The following LAPTM5 variants were observed in gnomAD, a reference collection of about 807,000 sequenced individuals.
LAPTM5 encodes lysosomal protein transmembrane 5, also known as lysosomal-associated transmembrane protein 5.
In LAPTM5, 11 loss-of-function variants were observed where a neutral mutation model predicts 30.1. That is an observed-to-expected ratio of 0.37 (90% CI 0.23 to 0.60). The LOEUF (loss-of-function observed/expected upper bound fraction) is 0.60, where lower values mean the gene tolerates loss of function less well. LAPTM5 is among the 20% of genes least tolerant of loss of function. The pLI is 0.71. For synonymous variants in LAPTM5, 151 were observed against 137.9 expected (o/e 1.10, Z -0.67); for missense variants, 324 against 332.5 (o/e 0.97, Z 0.20).
chr1:30,751,852 G>T (rs1640143175), intron 1 of LAPTM5, among the ~76,000 whole-genome samples: 2 of 152,186 alleles, frequency 1.3e-5, no homozygotes, highest in Admixed American at 1.3e-4. Flanking sequence ...CACTTTTGAG[G>T]CAGGGACCAC....
intron 1 of LAPTM5, among the ~76,000 whole-genome samples, chr1:30,747,391 C>T (rs895539012): frequency 1.3e-5 from 2 of 152,260 alleles, no homozygotes; most frequent in South Asian, 2.1e-4. Flanking sequence ...CACACCAAAA[C>T]TGTCGCAGGG....
At chr1:30,738,906 A>G in intron 5 of LAPTM5, 34 bp downstream of exon 5, 1 of 1,578,576 alleles carries the variant, frequency 6.3e-7, no homozygotes, top group Non-Finnish European at 8.6e-7. Context: ...CCACACAGCC[A>G]GCAAATGGGC....
rs1269971747 is a variant in LAPTM5 at position 30,732,549 on chromosome 1, T to C, written c.*1279A>G. On this transcript the variant is annotated 3_prime_UTR_variant, in exon 8 of 8. Transcript: ENST00000294507. ...ACAAGGGGGTATTGCCAGGGAGCTC[T>C]TGCAGAGCCTTCTCCCTCTGTACCC... 1 of 151,680 alleles carries C rather than the reference T, an allele frequency of 6.6e-6. No individual in the cohort carries two copies. Among genetic ancestry groups the C allele is most frequent in the Non-Finnish European group, 1.5e-5 (1 of 67,882 alleles). 9.4% of individuals were successfully genotyped at this position (151,680 alleles called of 1,614,324 possible).
Position 30,739,796 on chromosome 1 carries a change from G to T in LAPTM5, c.387+13C>A, listed in dbSNP as rs751499012. On this transcript the variant is annotated intron_variant, in intron 4 of 7. Coordinates refer to ENST00000294507, the MANE Select transcript of LAPTM5 (RefSeq NM_006762.3). This position sits in a 1 kb window ranked among gnomAD's most constrained non-coding sequence, Gnocchi z 4.2. ...CTCTGCTGTCCGGTGAGAGGTGGGG[G>T]CTGGGTACTCACAGCACGGCTCCGG... The T allele has an allele frequency of 1.3e-6, 2 of 1,587,902 alleles. No homozygotes were observed. Among genetic ancestry groups the T allele is most frequent in the South Asian group, 2.3e-5 (2 of 87,684 alleles).
chr1:30,753,239 C>T (rs1640163468), intron 1 of LAPTM5, among the ~76,000 whole-genome samples: 1 of 152,064 alleles, frequency 6.6e-6, no homozygotes, highest in Admixed American at 6.5e-5. Context: ...AGACAAATCT[C>T]CTTGAGAAAT....
intron 1 of LAPTM5, among the ~76,000 whole-genome samples, chr1:30,751,549 G>T (rs111495917): frequency 0.028 from 4,271 of 152,302 alleles, 65 homozygotes; most frequent in Non-Finnish European, 0.036. Flanking sequence ...GACCAGCCTG[G>T]CCAACATGGT....
chr1:30,746,173 G>A lies in LAPTM5; in HGVS notation c.88-3624C>T, dbSNP rs1640041322. 6.6e-6 allele frequency: 1 copy of A among 152,290 alleles called. No homozygotes were observed. The highest frequency in any genetic ancestry group is 1.5e-5 in the Non-Finnish European group (1 of 68,116). 9.4% of individuals were successfully genotyped at this position (152,290 alleles called of 1,614,324 possible). A position where few individuals can be genotyped will look rare whatever the true frequency, so the allele number is the denominator to read the frequency against. ...AGGTTCTGGCTTCTCCCTGGCCTCA[G>A]CTTTCGATTCTGGTCAATGAGAAGA... On this transcript the variant is annotated intron_variant, in intron 1 of 7. Coordinates refer to ENST00000294507, the MANE Select transcript of LAPTM5 (RefSeq NM_006762.3). The surrounding 1 kb of genome is among the most constrained non-coding windows in gnomAD (Gnocchi z 4.0).
chr1:30,750,818 A>G (rs1057365238), intron 1 of LAPTM5, among the ~76,000 whole-genome samples: 1 of 152,210 alleles, frequency 6.6e-6, no homozygotes, highest in Non-Finnish European at 1.5e-5. Flanking sequence ...CCGGTGCCAC[A>G]AATGGTAGTT....
chr1:30,751,352 A>G (rs992810985), intron 1 of LAPTM5, among the ~76,000 whole-genome samples: 1 of 152,260 alleles, frequency 6.6e-6, no homozygotes, highest in African/African-American at 2.4e-5. Context: ...GGCACTGGAC[A>G]TAAAGGTGGC....
chr1:30,748,623 A>ACTAT (rs1640083110), intron 1 of LAPTM5, among the ~76,000 whole-genome samples: 1 of 152,142 alleles, frequency 6.6e-6, no homozygotes, highest in South Asian at 2.1e-4. Context: ...CCCCAAGAGC[A>ACTAT]CTATCTCCCC....
At chr1:30,748,812 C>A (rs1024763185) in intron 1 of LAPTM5, among the ~76,000 whole-genome samples, 6 of 152,274 alleles carry the variant, frequency 3.9e-5, no homozygotes, top group Non-Finnish European at 1.5e-5. Context: ...CCTCCCTCCA[C>A]TGGGCTCTGG....
chr1:30,732,469 GA>G lies in LAPTM5; in HGVS notation c.*1358del, dbSNP rs1639825386. The G allele has an allele frequency of 6.7e-6, 1 of 150,026 alleles. No homozygotes were observed. Among genetic ancestry groups the G allele is most frequent in the Non-Finnish European group, 1.5e-5 (1 of 67,480 alleles). The allele number at this position is 150,026 out of a possible 1,614,324, so 9.3% of individuals were successfully genotyped here. ...TTTCCAGAAACACATCAGCCAGACA[GA>G]AGCTTGTTGCTGCTTTATTGAAACT... On this transcript the variant is annotated 3_prime_UTR_variant, in exon 8 of 8. Transcript: ENST00000294507.
chr1:30,752,065 G>A (rs758365612), intron 1 of LAPTM5, among the ~76,000 whole-genome samples: 21 of 152,196 alleles, frequency 1.4e-4, no homozygotes, highest in Non-Finnish European at 2.6e-4. Flanking sequence ...GAAGCTTCCC[G>A]TAAACTGGAC....
At chr1:30,755,037 C>T (rs1025925745) in intron 1 of LAPTM5, among the ~76,000 whole-genome samples, 9 of 152,274 alleles carry the variant, frequency 5.9e-5, no homozygotes, top group African/African-American at 1.7e-4. Flanking sequence ...AGGACTCTTT[C>T]GGGGTGCAGG....
chr1:30,742,895 A>G (rs1175022756), intron 1 of LAPTM5, among the ~76,000 whole-genome samples: 2 of 152,150 alleles, frequency 1.3e-5, no homozygotes, highest in African/African-American at 4.8e-5. Context: ...CCTTAGGCCC[A>G]GTTCTCAGGA....
At chr1:30,740,304 G>T (rs200738089) in intron 3 of LAPTM5, among the ~76,000 whole-genome samples, 1 of 152,114 alleles carries the variant, frequency 6.6e-6, no homozygotes, top group African/African-American at 2.4e-5. Flanking sequence ...GGGCTAGATC[G>T]GGGAAGGAGA....
chr1:30,741,794 G>C, intron 2 of LAPTM5, 78 bp from the exon 3 acceptor site: 1 of 1,062,276 alleles, frequency 9.4e-7, no homozygotes, highest in Non-Finnish European at 1.4e-6. Flanking sequence ...CACACTTGGG[G>C]AACCACTGGT....
rs758091551 is a variant in LAPTM5, at chr1:30,741,675, T to A, written c.223A>T (p.Ile75Phe). ...SSFLLITMLF[I>F]ISLSLLIGVV... ...CCGATCAGTAGGCTCAGGCTGATGA[T>A]GAAGAGCATGGTGATGAGCAGGAAG... The change falls in exon 3 of 8, where the codon ATC (isoleucine) becomes TTC (phenylalanine). Residue 75 changes from isoleucine (I) to phenylalanine (F), a missense_variant. By Grantham distance (21) the Ile-to-Phe change is conservative. Transcript: ENST00000294507. 3 of 1,608,444 alleles carry A rather than the reference T, an allele frequency of 1.9e-6. No individual in the cohort carries two copies. The South Asian group carries it at 3.3e-5, about 18-fold the overall frequency.
chr1:30,757,662 A>G lies in LAPTM5; in HGVS notation c.84T>C (p.His28=), dbSNP rs1640231337. 1.2e-6 allele frequency: 2 copies of G among 1,613,458 alleles called. No homozygotes were observed. Among genetic ancestry groups the G allele is most frequent in the African/African-American group, 2.7e-5 (2 of 74,902 alleles). The change falls in exon 1 of 8, where the codon CAT becomes CAC. Residue 28 remains histidine (H), a synonymous_variant. Transcript: ENST00000294507. ...RIATTALAIY[H]VIMSVLLFIE... Reference sequence around the variant, plus strand: ...CACCCGGGGCCCGCACACTCACCACATGGTAGATGGCCAGGGCGGTGGTTG... The same window carrying G: ...CACCCGGGGCCCGCACACTCACCACGTGGTAGATGGCCAGGGCGGTGGTTG...
Sources: gnomAD v4.1 joint callset for allele counts (sites outside exome capture counted in the v4.1 genomes callset) on GRCh38, gnomAD v4.1.1 for gene constraint, Gnocchi (gnomAD v3.1) non-coding constraint, MANE v1.5 for transcripts, NCBI Gene and HGNC (gene_info 2026-07-23, HGNC 2026-07-21) for gene names.